Variants in RPH3A observed in about 807,000 individuals in gnomAD.
RPH3A encodes rabphilin 3A.
RPH3A carries 48 observed loss-of-function variants against 102.2 expected under a neutral mutation model. The observed-to-expected ratio is 0.47, with a 90% CI of 0.37 to 0.60. The LOEUF is 0.60. RPH3A is among the 20% of genes least tolerant of loss of function. The pLI, the probability that RPH3A is intolerant of heterozygous loss-of-function variation, is 0.00. For missense variants in RPH3A, 781 were observed against 910.1 expected, an observed-to-expected ratio of 0.86 and a Z score of 1.83; for synonymous variants, 310 against 324.3, an observed-to-expected ratio of 0.96 and a Z score of 0.47.
At chr12:112,708,363 G>A (rs1040184824) in intron 1 of RPH3A, among the ~76,000 whole-genome samples, 4 of 152,156 alleles carry the variant, frequency 2.6e-5, no homozygotes, top group African/African-American at 4.8e-5. Flanking sequence ...CTGTCCAGGC[G>A]GATGGCGGCA....
chr12:112,842,640 G>A (rs570627870), intron 4 of RPH3A, among the ~76,000 whole-genome samples: 1 of 152,344 alleles, frequency 6.6e-6, no homozygotes, highest in East Asian at 1.9e-4. Context: ...TAGCTAATGA[G>A]TTACTGTGAA....
Position 112,584,005 on chromosome 12 carries a change from T to C in RPH3A, c.-140+8686T>C, listed in dbSNP as rs563948144. ...TGTCTCAAAAAAATAAATAAATACA[T>C]AAATTAAAGGGCTAAATTATAGAGT... On this transcript the variant is annotated intron_variant, in intron 1 of 21. Transcript: ENST00000543106. Among the ~76,000 whole-genome samples the C allele has an allele frequency of 7.2e-5, 11 of 152,078 alleles. No homozygotes were observed. The East Asian group carries it at 2.1e-3, about 29-fold the overall frequency.
intron 5 of RPH3A, among the ~76,000 whole-genome samples, chr12:112,862,869 C>T (rs1204179929): frequency 6.6e-6 from 1 of 152,212 alleles, no homozygotes; most frequent in Non-Finnish European, 1.5e-5. Flanking sequence ...TAAGTGCCTG[C>T]CAGGCAGGGC....
chr12:112,745,064 T>G (rs1337699651), intron 1 of RPH3A, among the ~76,000 whole-genome samples: 3 of 152,218 alleles, frequency 2.0e-5, no homozygotes, highest in Admixed American at 6.5e-5. Flanking sequence ...AGTTGTCATG[T>G]CTTCTTAACA....
chr12:112,725,250 G>GA (rs35952537), intron 1 of RPH3A, among the ~76,000 whole-genome samples: 1,400 of 63,032 alleles, frequency 0.022, 147 homozygotes, highest in East Asian at 0.043. Context: ...CTTTGTCTCA[G>GA]AAAAAAAAAA....
In RPH3A at chr12:112,840,554, A is replaced by G. The variant is rs149911724; in HGVS notation, c.83+4052A>G. On this transcript the variant is annotated intron_variant, in intron 4 of 21. Transcript: ENST00000389385. ...CCCAAATTTCCGCAAAAGGCCCAGA[A>G]ATCCGCATTCTGGCTGGCTCACCAA... 2.0e-5 allele frequency among the ~76,000 whole-genome samples: 3 copies of G among 152,174 alleles called. 1 individual carries two copies. The East Asian group carries it at 5.8e-4, about 29-fold the overall frequency.
intron 4 of RPH3A, chr12:112,841,982 T>C: frequency 2.2e-6 from 1 of 456,042 alleles, no homozygotes; most frequent in Non-Finnish European, 4.4e-6. Flanking sequence ...AGGCAAGGAA[T>C]TGATTTGGAC....
chr12:112,758,103 T>G (rs2040833307), intron 1 of RPH3A, among the ~76,000 whole-genome samples: 1 of 152,158 alleles, frequency 6.6e-6, no homozygotes. Context: ...TGAAGTACTG[T>G]AGAATCCAGT....
At chr12:112,772,121 C>A (rs2040930913) in intron 1 of RPH3A, among the ~76,000 whole-genome samples, 1 of 152,208 alleles carries the variant, frequency 6.6e-6, no homozygotes, top group African/African-American at 2.4e-5. Flanking sequence ...TAAGCCCTCT[C>A]TTACTTGCCC....
chr12:112,798,783 A>AC (rs2041284266), intron 2 of RPH3A, among the ~76,000 whole-genome samples: 1 of 140,642 alleles, frequency 7.1e-6, no homozygotes, highest in Non-Finnish European at 1.5e-5. Flanking sequence ...TACTTTTCCC[A>AC]CCCCTTAAAT....
intron 5 of RPH3A, among the ~76,000 whole-genome samples, chr12:112,852,560 T>C (rs2042340264): frequency 6.6e-6 from 1 of 152,190 alleles, no homozygotes; most frequent in East Asian, 1.9e-4. Flanking sequence ...CCAGTTTTTA[T>C]AGCTCTTCTT....
intron 1 of RPH3A, among the ~76,000 whole-genome samples, chr12:112,583,718 C>A (rs1261771641): frequency 2.0e-5 from 3 of 152,176 alleles, no homozygotes; most frequent in Non-Finnish European, 4.4e-5. Context: ...TGCGCGGTGG[C>A]TCATGCCTGT....
intron 2 of RPH3A, among the ~76,000 whole-genome samples, chr12:112,813,727 A>C (rs1053793903): frequency 4.7e-5 from 7 of 149,772 alleles, no homozygotes; most frequent in South Asian, 2.2e-4. Flanking sequence ...CCTCAAAAAA[A>C]CCCACAAAAG....
chr12:112,729,681 G>A (rs977805940), intron 1 of RPH3A, among the ~76,000 whole-genome samples: 9 of 152,148 alleles, frequency 5.9e-5, no homozygotes, highest in Admixed American at 4.6e-4. Context: ...TACATAACTC[G>A]TAATCCAGTT....
chr12:112,665,739 C>A (rs187045254), intron 1 of RPH3A, among the ~76,000 whole-genome samples: 201 of 152,302 alleles, frequency 1.3e-3, no homozygotes, highest in Middle Eastern at 3.4e-3. Flanking sequence ...ATCTCAGGCT[C>A]TCCTGTCAGA....
chr12:112,761,457 G>T (rs530111187), intron 1 of RPH3A, among the ~76,000 whole-genome samples: 2 of 152,372 alleles, frequency 1.3e-5, no homozygotes, highest in African/African-American at 4.8e-5. Flanking sequence ...CAACACTATG[G>T]TGTGAGCCCT....
chr12:112,870,098 G>A (rs970090246), intron 10 of RPH3A, 59 bp downstream of exon 10: 1 of 1,509,338 alleles, frequency 6.6e-7, no homozygotes. Flanking sequence ...CAAAAAGAAT[G>A]AGGGGAACTG....
chr12:112,857,054 T>G (rs1373056792), intron 5 of RPH3A, among the ~76,000 whole-genome samples: 1 of 152,104 alleles, frequency 6.6e-6, no homozygotes, highest in Non-Finnish European at 1.5e-5. Context: ...GGGGTGTGTG[T>G]GTGTGTGTCT....
chr12:112,608,147 G>A (rs1051233940), intron 1 of RPH3A, among the ~76,000 whole-genome samples: 14 of 146,870 alleles, frequency 9.5e-5, no homozygotes, highest in Admixed American at 6.2e-4. Flanking sequence ...GGGGAGTTGC[G>A]CTCTGTTTCC....
Sources: allele counts gnomAD v4.1 joint callset (sites outside exome capture counted in the v4.1 genomes callset), GRCh38; gene constraint gnomAD v4.1.1; transcripts MANE v1.5; gene names NCBI Gene and HGNC (gene_info 2026-07-23, HGNC 2026-07-21).